Variants in HLCS observed in about 807,000 individuals in gnomAD.
HLCS encodes the protein biotin--protein ligase.
HLCS carries 53 observed loss-of-function variants against 75.0 expected under a neutral mutation model. The ratio of observed to expected loss-of-function variants is 0.71; its 90% CI spans 0.57 to 0.89. The LOEUF (loss-of-function observed/expected upper bound fraction) is 0.89, where lower values mean the gene tolerates loss of function less well. Among genes scored for constraint, HLCS ranks in the 40% least tolerant of loss-of-function variants. The pLI, the probability that HLCS is intolerant of heterozygous loss-of-function variation, is 0.00. For synonymous variants in HLCS, 431 were observed against 428.6 expected, an observed-to-expected ratio of 1.01 and a Z score of -0.07; for missense variants, 966 against 1,074.0, an observed-to-expected ratio of 0.90 and a Z score of 1.41.
chr21:36,956,813 G>A (rs1349082882), intron 2 of HLCS, among the ~76,000 whole-genome samples: 2 of 152,110 alleles, frequency 1.3e-5, no homozygotes, highest in African/African-American at 4.8e-5. Flanking sequence ...CACTTCGGGA[G>A]GCTGAGGCGG....
chr21:36,847,530 T>A (rs926890657), intron 6 of HLCS, among the ~76,000 whole-genome samples: 5 of 152,094 alleles, frequency 3.3e-5, no homozygotes, highest in African/African-American at 1.2e-4. Context: ...GTAATGGATA[T>A]CTAAGGTACT....
At chr21:36,856,959 T>G (rs2835504) in intron 6 of HLCS, among the ~76,000 whole-genome samples, 1,839 of 152,350 alleles carry the variant, frequency 0.012, 46 homozygotes, top group African/African-American at 0.042. Context: ...AATTTGCTAA[T>G]GCAGGCAGTT....
At chr21:36,895,379 G>A (rs1376448915) in intron 6 of HLCS, among the ~76,000 whole-genome samples, 2 of 152,168 alleles carry the variant, frequency 1.3e-5, no homozygotes, top group African/African-American at 4.8e-5. Context: ...AAAAGAACAG[G>A]CTTTTTCCTT....
intron 1 of HLCS, among the ~76,000 whole-genome samples, chr21:36,978,564 A>ATTAAACTG (rs1569272579): frequency 1.3e-5 from 2 of 151,988 alleles, no homozygotes. Context: ...AAGCGTCCTG[A>ATTAAACTG]TTAAACTGCA....
chr21:36,915,548 G>A (rs779730064), intron 5 of HLCS, among the ~76,000 whole-genome samples: 3 of 152,290 alleles, frequency 2.0e-5, no homozygotes, highest in Non-Finnish European at 4.4e-5. Flanking sequence ...ACTGCCCTAC[G>A]TGTGCAAGGA....
rs1437783858 is a variant in HLCS at position 36,975,978 on chromosome 21, T to C, written c.-392-13808A>G. Reference sequence around the variant, plus strand: ...AGGAAGAAACTGAATTTTAGAACAGTTGAATTTTAGAACTTGAGCTCCCAT... The same window carrying C: ...AGGAAGAAACTGAATTTTAGAACAGCTGAATTTTAGAACTTGAGCTCCCAT... On this transcript the variant is annotated intron_variant, in intron 1 of 11. Transcript: ENST00000336648. 2.0e-5 allele frequency among the ~76,000 whole-genome samples: 3 copies of C among 152,278 alleles called. 1 individual carries two copies. In the South Asian group the frequency reaches 6.2e-4, roughly 32 times the overall value.
chr21:36,844,659 T>G (rs899785036), intron 6 of HLCS, among the ~76,000 whole-genome samples: 2 of 152,018 alleles, frequency 1.3e-5, no homozygotes, highest in East Asian at 3.9e-4. Flanking sequence ...TATACAGACA[T>G]GATCTTAACA....
chr21:36,983,850 T>A (rs2850121), intron 1 of HLCS, among the ~76,000 whole-genome samples: 130,391 of 148,026 alleles, frequency 0.88, 57,333 homozygotes, highest in Admixed American at 0.94. Flanking sequence ...AAAAAAAAAA[T>A]TTTTTTTTTT....
intron 6 of HLCS, among the ~76,000 whole-genome samples, chr21:36,836,460 C>G (rs1374485548): frequency 9.3e-6 from 1 of 107,514 alleles, no homozygotes; most frequent in African/African-American, 3.6e-5. Context: ...TATCCCTCCC[C>G]CCTCCCCCCA....
chr21:36,937,407 GGA>G lies in HLCS; in HGVS notation c.494-17_494-16del, dbSNP rs146532042. On this transcript the variant is annotated splice_polypyrimidine_tract_variant and intron_variant, in intron 3 of 10. Transcript: ENST00000674895. ...CAAGTGCACCGCTAAGGCATGAATA[GGA>G]GAGAGAGACAGAAAATTAATCAACA... is the stretch of plus-strand genomic sequence containing the variant. 1,497 of 1,600,834 alleles carry G rather than the reference GGA, an allele frequency of 9.4e-4. 3 individuals carry two copies. The highest frequency in any genetic ancestry group is 1.2e-3 in the Admixed American group (70 of 59,960).
At chr21:36,863,338 G>A (rs932047205) in intron 6 of HLCS, among the ~76,000 whole-genome samples, 13 of 152,172 alleles carry the variant, frequency 8.5e-5, no homozygotes, top group Admixed American at 3.9e-4. Context: ...GACCATCGCC[G>A]ATCCACTGAG....
chr21:36,909,176 A>G (rs1194503404), intron 5 of HLCS, among the ~76,000 whole-genome samples: 1 of 152,146 alleles, frequency 6.6e-6, no homozygotes, highest in East Asian at 1.9e-4. Context: ...CAGCCTGGGC[A>G]ACAGAGCGAG....
chr21:36,973,601 A>ACCT (rs1333156187), intron 1 of HLCS: 3 of 152,164 alleles, frequency 2.0e-5, no homozygotes, highest in Non-Finnish European at 4.4e-5. Flanking sequence ...TTTCTGCAGT[A>ACCT]CCTGGCATTC....
rs115669690 is a variant in HLCS at position 36,897,729 on chromosome 21, A to T, written c.1621-598T>A. 7.1e-3 allele frequency among the ~76,000 whole-genome samples: 1,087 copies of T among 152,254 alleles called. 12 individuals are homozygous for T. Among genetic ancestry groups the T allele is most frequent in the African/African-American group, 0.025 (1,050 of 41,534 alleles). The stretch of plus-strand genomic sequence containing the variant: ...CCAAAGCTGCTTTCTGTTTGCCCCA[A>T]ATGGAGGTACAAGGAGGAGAAGGAA... On this transcript the variant is annotated intron_variant, in intron 5 of 10. Transcript: ENST00000674895.
chr21:36,786,857 T>C (rs1356329079), intron 6 of HLCS, among the ~76,000 whole-genome samples: 2 of 152,108 alleles, frequency 1.3e-5, no homozygotes, highest in Non-Finnish European at 2.9e-5. Flanking sequence ...AGAAAAGACA[T>C]TGATGGGAAG....
intron 5 of HLCS, among the ~76,000 whole-genome samples, chr21:36,898,388 G>C (rs897095096): frequency 7.5e-6 from 1 of 133,136 alleles, no homozygotes; most frequent in Admixed American, 8.3e-5. Flanking sequence ...AGAGGCTGCA[G>C]TGAGCCAAGA....
intron 6 of HLCS, among the ~76,000 whole-genome samples, chr21:36,830,428 C>T (rs1022808394): frequency 2.6e-5 from 4 of 152,156 alleles, no homozygotes; most frequent in African/African-American, 9.7e-5. Context: ...TCAGAGATCC[C>T]GTGTTTCTTG....
chr21:36,787,274 G>T (rs1456771025), intron 6 of HLCS, among the ~76,000 whole-genome samples: 1 of 152,096 alleles, frequency 6.6e-6, no homozygotes, highest in Non-Finnish European at 1.5e-5. Context: ...GCCACCGTGG[G>T]ACGAGGCACC....
rs562166084 is a variant in HLCS at position 36,819,982 on chromosome 21, T to C, written c.1893-52697A>G. On this transcript the variant is annotated intron_variant, in intron 6 of 10. Transcript: ENST00000674895. The stretch of plus-strand genomic sequence containing the variant: ...AAAGAGCCATCCTACCTAAGCCAGA[T>C]AAAGTGCACTCACAGGGCAGCAAAA... Among the ~76,000 whole-genome samples the C allele has an allele frequency of 6.7e-4, 102 of 152,260 alleles. No homozygotes were observed. The South Asian group carries it at 8.9e-3, about 13-fold the overall frequency.
Sources: gnomAD v4.1 joint callset for allele counts (sites outside exome capture counted in the v4.1 genomes callset) on GRCh38, gnomAD v4.1.1 for gene constraint, MANE v1.5 for transcripts, NCBI Gene and HGNC (gene_info 2026-07-23, HGNC 2026-07-21) for gene names.